PMFBP1: variants seen among roughly 807,000 people sequenced by gnomAD.
PMFBP1 encodes polyamine modulated factor 1 binding protein 1, also known as polyamine-modulated factor 1-binding protein 1.
Under a neutral mutation model 137.8 loss-of-function variants are expected in PMFBP1, and 131 were observed. The observed-to-expected ratio is 0.95, with a 90% confidence interval of 0.82 to 1.10. The LOEUF is 1.10. Ranked by LOEUF, PMFBP1 falls within the 50% of genes least tolerant of loss-of-function variation. The probability of loss-of-function intolerance (pLI) is 0.00; values close to 1 mark genes in which losing one functional copy is unlikely to be tolerated. For synonymous variants in PMFBP1, 490 were observed against 450.4 expected (o/e 1.09, Z -1.11); for missense variants, 1,199 against 1,175.4 (o/e 1.02, Z -0.29).
At chr16:72,248,024 G>A in the PMFBP1 span, among the ~76,000 whole-genome samples, 3 of 152,030 alleles carry the variant, frequency 2.0e-5, no homozygotes, top group Non-Finnish European at 4.4e-5. Context: ...GCCAAGTATC[G>A]AACAGAAAGC....
intron 6 of PMFBP1, among the ~76,000 whole-genome samples, chr16:72,140,060 G>A (rs750012872): frequency 4.6e-5 from 7 of 152,178 alleles, no homozygotes; most frequent in East Asian, 3.9e-4. Context: ...GTCACAAAGC[G>A]CCTTCCATGC....
chr16:72,120,182 G>A (rs938108638), intron 19 of PMFBP1, 93 bp from the exon 20 acceptor site: 1 of 1,583,414 alleles, frequency 6.3e-7, no homozygotes, highest in East Asian at 2.2e-5. Flanking sequence ...TCACAGGGAA[G>A]ACAGCACAGA....
At chr16:72,167,847 A>G (rs1192530264) in intron 2 of PMFBP1, among the ~76,000 whole-genome samples, 1 of 152,244 alleles carries the variant, frequency 6.6e-6, no homozygotes, top group Non-Finnish European at 1.5e-5. Flanking sequence ...AGACCAGCAC[A>G]CTGAGGGCTC....
At chr16:72,181,158 G>C (rs2043275074), upstream of PMFBP1, among the ~76,000 whole-genome samples, 1 of 151,530 alleles carries the variant, frequency 6.6e-6, no homozygotes, top group Non-Finnish European at 1.5e-5. Context: ...AGAATCGCTT[G>C]AACTCAGGAG....
At chr16:72,196,441 C>A in the PMFBP1 span, among the ~76,000 whole-genome samples, 1 of 152,144 alleles carries the variant, frequency 6.6e-6, no homozygotes, top group East Asian at 1.9e-4. Flanking sequence ...CAACCTCTGA[C>A]ATGTGCAGTT....
At chr16:72,137,193 C>T (rs748948159) in intron 7 of PMFBP1, among the ~76,000 whole-genome samples, 18 of 152,204 alleles carry the variant, frequency 1.2e-4, no homozygotes, top group Non-Finnish European at 1.6e-4. Context: ...ATCCCTGTAT[C>T]CCTTCCTCCC....
the PMFBP1 span, among the ~76,000 whole-genome samples, chr16:72,202,983 C>T: frequency 2.0e-5 from 3 of 152,130 alleles, no homozygotes; most frequent in Non-Finnish European, 2.9e-5. Context: ...CTTTGGCTTC[C>T]CTGGTATTTT....
chr16:72,213,192 G>A, the PMFBP1 span, among the ~76,000 whole-genome samples: 2 of 141,426 alleles, frequency 1.4e-5, no homozygotes, highest in Admixed American at 1.4e-4. Context: ...ATTACAGCAA[G>A]AGCCCGGGGG....
At chr16:72,217,615 G>A in the PMFBP1 span, among the ~76,000 whole-genome samples, 3 of 152,236 alleles carry the variant, frequency 2.0e-5, no homozygotes, top group Non-Finnish European at 4.4e-5. Flanking sequence ...ACTTTGGGAA[G>A]CCAAGGCGGG....
chr16:72,119,486 T>C (rs2042344153), intron 20 of PMFBP1, 132 bp from the exon 21 acceptor site: 2 of 1,562,810 alleles, frequency 1.3e-6, no homozygotes, highest in African/African-American at 1.4e-5. Context: ...ACATGGAGTT[T>C]ACAGGTGGCA....
intron 9 of PMFBP1, among the ~76,000 whole-genome samples, chr16:72,135,882 G>A (rs1049895278): frequency 6.7e-6 from 1 of 149,670 alleles, no homozygotes; most frequent in Non-Finnish European, 1.5e-5. Flanking sequence ...AGCCTCCCAA[G>A]TAGCTGGGAC....
At chr16:72,198,216 G>A in the PMFBP1 span, among the ~76,000 whole-genome samples, 2 of 152,142 alleles carry the variant, frequency 1.3e-5, no homozygotes, top group Admixed American at 6.5e-5. Context: ...ACCAAGTCAC[G>A]TGAGCAGAGA....
At chr16:72,165,582 C>A (rs2043133970) in intron 2 of PMFBP1, among the ~76,000 whole-genome samples, 1 of 152,074 alleles carries the variant, frequency 6.6e-6, no homozygotes, top group African/African-American at 2.4e-5. Flanking sequence ...CCATGCCCGG[C>A]TAATTTTTTG....
In PMFBP1 at chr16:72,164,802, T is replaced by C; in HGVS notation, c.127A>G (p.Asn43Asp). The C allele has an allele frequency of 6.2e-7, 1 of 1,605,912 alleles. No homozygotes were observed. Reference sequence around the variant, plus strand: ...ATTGCCTCCTCCATGCAGAGCTGATTGTCCTGCAAGGTCTTCCTCTGTCTC... The same window carrying C: ...ATTGCCTCCTCCATGCAGAGCTGATCGTCCTGCAAGGTCTTCCTCTGTCTC... ...CKRQRKTLQD[N>D]QLCMEEAMNS... Residue 43 changes from asparagine (N) to aspartate (D), a missense_variant, in exon 3 of 21, where the codon AAT becomes GAT. Asn to Asp is a conservative substitution (Grantham distance 23). Transcript: ENST00000237353.
chr16:72,174,335 C>T (rs971085594), upstream of PMFBP1, among the ~76,000 whole-genome samples: 5 of 152,136 alleles, frequency 3.3e-5, no homozygotes, highest in African/African-American at 1.2e-4. Flanking sequence ...GAGAAAGCAC[C>T]ACGACTTTCA....
At chr16:72,197,399 G>A in the PMFBP1 span, among the ~76,000 whole-genome samples, 1 of 152,200 alleles carries the variant, frequency 6.6e-6, no homozygotes, top group Non-Finnish European at 1.5e-5. Flanking sequence ...CTCAGGAAAG[G>A]TTTAGTTTAA....
chr16:72,139,320 C>A lies in PMFBP1; in HGVS notation c.887G>T (p.Ser296Ile), dbSNP rs561259190. 5.0e-6 allele frequency: 8 copies of A among 1,613,976 alleles called. No homozygotes were observed. In the South Asian group the frequency reaches 8.8e-5, roughly 18 times the overall value. Reference protein sequence around the residue: ...SCTATHRYPPSSSEECEDIKK... With the variant: ...SCTATHRYPPISSEECEDIKK... ...GATGTCTTCACACTCTTCTGAGGAG[C>A]TAGGAGGGTATCTGTGGGTGGCTGT... The change falls in exon 7 of 21, where the codon AGC (serine) becomes ATC (isoleucine). Residue 296 changes from serine (S) to isoleucine (I), a missense_variant. By Grantham distance (142) the Ser-to-Ile change is moderately radical. Coordinates refer to ENST00000237353, the MANE Select transcript of PMFBP1 (RefSeq NM_031293.3).
rs147709022 is a variant in PMFBP1, at chr16:72,152,381, A to G, written c.415-1552T>C. ...GCAGCAATGCACCTCCTAAAACACC[A>G]CATTTCCTAGGCTTCCTAGAAACTA... On this transcript the variant is annotated intron_variant, in intron 4 of 20. Transcript: ENST00000237353. 3.3e-5 allele frequency among the ~76,000 whole-genome samples: 5 copies of G among 152,212 alleles called. No homozygotes were observed. The East Asian group carries it at 9.7e-4, about 29-fold the overall frequency.
At position 72,163,606 on chromosome 16, in the gene PMFBP1, G is replaced by A. The variant is rs150370723; in HGVS notation, c.165+1158C>T. On this transcript the variant is annotated intron_variant, in intron 3 of 20. Transcript: ENST00000237353. ...TGGGAGGTGGTCTTAGGAAACTCTG[G>A]TTGGGGAGTGGGAGACTGAAACAAG... Among the ~76,000 whole-genome samples the A allele has an allele frequency of 2.4e-3, 358 of 152,310 alleles. 1 individual carries two copies. The highest frequency in any genetic ancestry group is 5.9e-3 in the Admixed American group (91 of 15,298).
Sources: gnomAD v4.1 joint callset for allele counts (sites outside exome capture counted in the v4.1 genomes callset) on GRCh38, gnomAD v4.1.1 for gene constraint, MANE v1.5 for transcripts, NCBI Gene and HGNC (gene_info 2026-07-23, HGNC 2026-07-21) for gene names.